MVB12B: variants seen among roughly 807,000 people sequenced by gnomAD.
MVB12B encodes ESCRT-I complex subunit MVB12B.
MVB12B carries 16 observed loss-of-function variants against 41.6 expected under a neutral mutation model. That is an observed-to-expected ratio of 0.38 (90% CI 0.26 to 0.58). MVB12B has a LOEUF of 0.58. Among genes scored for constraint, MVB12B ranks in the 20% least tolerant of loss-of-function variants. The pLI is 0.62. For missense variants in MVB12B, 274 were observed against 380.2 expected (o/e 0.72, Z 2.32); for synonymous variants, 133 against 139.7 (o/e 0.95, Z 0.34).
intron 7 of MVB12B, among the ~76,000 whole-genome samples, chr9:126,441,590 T>C (rs1832641817): frequency 6.6e-6 from 1 of 152,230 alleles, no homozygotes; most frequent in Admixed American, 6.5e-5. Context: ...AGCCACTCCT[T>C]TATCAATAAA....
At position 126,503,436 on chromosome 9, in the gene MVB12B, C is replaced by G. The variant is rs4837094; in HGVS notation, c.*173C>G. 0.99 allele frequency: 603,458 copies of G among 607,670 alleles called. 299,753 individuals carry two copies. Among genetic ancestry groups the G allele is most frequent in the East Asian group, 1 (36,245 of 36,246 alleles). The allele number at this position is 607,670 out of a possible 1,614,324, so 37.6% of individuals were successfully genotyped here. ...GGCGCATCCTGTCTTCAGCTGGCCT[C>G]ACTGACACCCCGGCCTCCCTGGGGA... On this transcript the variant is annotated 3_prime_UTR_variant, in exon 10 of 10. Transcript: ENST00000361171.
intron 2 of MVB12B, among the ~76,000 whole-genome samples, chr9:126,347,140 T>C (rs1829614256): frequency 6.6e-6 from 1 of 152,166 alleles, no homozygotes; most frequent in Non-Finnish European, 1.5e-5. Flanking sequence ...GGGGTGTAGA[T>C]ACAGGAGAGA....
chr9:126,481,264 T>A, intron 7 of MVB12B, 105 bp from the exon 8 acceptor site: 1 of 968,084 alleles, frequency 1.0e-6, no homozygotes, highest in Non-Finnish European at 1.6e-6. Flanking sequence ...CCTGGCTCCA[T>A]CCAGTGACGG....
At chr9:126,491,921 A>G (rs1031301969) in intron 9 of MVB12B, among the ~76,000 whole-genome samples, 3 of 152,154 alleles carry the variant, frequency 2.0e-5, no homozygotes, top group Non-Finnish European at 2.9e-5. Flanking sequence ...CACAGACAAG[A>G]TTAATTATCT....
At chr9:126,430,734 T>C (rs1400296823) in intron 7 of MVB12B, among the ~76,000 whole-genome samples, 1 of 151,592 alleles carries the variant, frequency 6.6e-6, no homozygotes, top group Non-Finnish European at 1.5e-5. Context: ...GTTGGAAGCA[T>C]AGGGTCAGAA....
chr9:126,440,691 AT>A lies in MVB12B; in HGVS notation c.757+18753del, dbSNP rs914057982. On this transcript the variant is annotated intron_variant, in intron 7 of 9. Transcript: ENST00000361171. ...CTTTCAGAGAAATATTGAAAAGTAC[AT>A]TTTTTTTTTGTTTCAATTATTTTAA... 1.7e-3 allele frequency among the ~76,000 whole-genome samples: 252 copies of A among 149,886 alleles called. 1 individual carries two copies. The highest frequency in any genetic ancestry group is 0.01 in the South Asian group (48 of 4,718).
chr9:126,438,227 A>G (rs922565239), intron 7 of MVB12B, among the ~76,000 whole-genome samples: 2 of 152,242 alleles, frequency 1.3e-5, no homozygotes, highest in East Asian at 3.8e-4. Context: ...CCTTCTTTTA[A>G]TGACCAGCGT....
At chr9:126,470,670 GTGTGTGTA>G (rs1314040096) in intron 7 of MVB12B, among the ~76,000 whole-genome samples, 3 of 144,492 alleles carry the variant, frequency 2.1e-5, no homozygotes, top group Non-Finnish European at 4.7e-5. Flanking sequence ...GTGTGTGTGT[GTGTGTGTA>G]ATCCAGATTG....
At chr9:126,427,168 A>G (rs527494991) in intron 7 of MVB12B, among the ~76,000 whole-genome samples, 1 of 152,370 alleles carries the variant, frequency 6.6e-6, no homozygotes, top group South Asian at 2.1e-4. Flanking sequence ...ATTGCTTTTC[A>G]ATGATTATAA....
intron 6 of MVB12B, among the ~76,000 whole-genome samples, chr9:126,415,932 G>A (rs1831807081): frequency 6.6e-6 from 1 of 152,176 alleles, no homozygotes; most frequent in Non-Finnish European, 1.5e-5. Context: ...GCTGAGATCT[G>A]GGGACAGTGG....
At position 126,479,127 on chromosome 9, in the gene MVB12B, T is replaced by C. The variant is rs1054513255; in HGVS notation, c.758-2242T>C. Among the ~76,000 whole-genome samples the C allele has an allele frequency of 6.0e-4, 80 of 133,446 alleles. No individual in the cohort carries two copies. In the East Asian group the frequency reaches 0.015, roughly 25 times the overall value. 87.5% of individuals were successfully genotyped at this position (133,446 alleles called of 152,430 possible). A position where few individuals can be genotyped will look rare whatever the true frequency, so the allele number is the denominator to read the frequency against. ...AGTGAGGACCATGACAGGTGAAGAGTGGGCTTCGGGACTTTACTGGGGAGG... is the reference window on the plus strand; with the variant it reads ...AGTGAGGACCATGACAGGTGAAGAGCGGGCTTCGGGACTTTACTGGGGAGG... On this transcript the variant is annotated intron_variant, in intron 7 of 9. Transcript: ENST00000361171.
At position 126,473,635 on chromosome 9, in the gene MVB12B, G is replaced by A. The variant is rs778457830; in HGVS notation, c.758-7734G>A. 1.7e-3 allele frequency among the ~76,000 whole-genome samples: 262 copies of A among 152,250 alleles called. 1 individual carries two copies. The highest frequency in any genetic ancestry group is 3.5e-4 in the Non-Finnish European group (24 of 68,026). ...AGCCAAAGAGCGGAAGGTGCCACACGCCTTTAAACAACCAGATCTCGCGAG... is the reference window on the plus strand; with the variant it reads ...AGCCAAAGAGCGGAAGGTGCCACACACCTTTAAACAACCAGATCTCGCGAG... On this transcript the variant is annotated intron_variant, in intron 7 of 9. Transcript: ENST00000361171. The surrounding 1 kb of genome is among the most constrained non-coding windows in gnomAD (Gnocchi z 4.0).
chr9:126,466,400 T>C (rs929496096), intron 7 of MVB12B, among the ~76,000 whole-genome samples: 1 of 152,186 alleles, frequency 6.6e-6, no homozygotes, highest in Non-Finnish European at 1.5e-5. Flanking sequence ...ACTGCTAATG[T>C]CCCATTCACC....
In MVB12B at chr9:126,472,789, A is replaced by G. The variant is rs3739568; in HGVS notation, c.758-8580A>G. ...CATGCCATTTTTAAGCATGATCGTT[A>G]TGATAAAGGGCATATACTTAATTAC... On this transcript the variant is annotated intron_variant, in intron 7 of 9. Transcript: ENST00000361171. 3.8e-3 allele frequency among the ~76,000 whole-genome samples: 572 copies of G among 152,246 alleles called. 8 individuals are homozygous for G. In the East Asian group the frequency reaches 0.045, roughly 12 times the overall value.
rs117871165 is a variant in MVB12B at position 126,425,679 on chromosome 9, T to C, written c.757+3731T>C. ...CATTCGAGTTCCTCAGAGATCACTG[T>C]CTGTAATTCCAGCACCATCCTTTAT... On this transcript the variant is annotated intron_variant, in intron 7 of 9. Coordinates refer to ENST00000361171, the MANE Select transcript of MVB12B (RefSeq NM_033446.3). Among the ~76,000 whole-genome samples the C allele has an allele frequency of 6.6e-3, 1,003 of 152,336 alleles. 7 individuals are homozygous for C. The highest frequency in any genetic ancestry group is 0.027 in the Middle Eastern group (8 of 294).
chr9:126,470,168 C>T (rs192327176), intron 7 of MVB12B, among the ~76,000 whole-genome samples: 46 of 152,304 alleles, frequency 3.0e-4, no homozygotes, highest in Non-Finnish European at 2.9e-4. Flanking sequence ...AACAGGAGTG[C>T]AGCCATATTA....
At position 126,413,270 on chromosome 9, in the gene MVB12B, C is replaced by G. The variant is rs373935073; in HGVS notation, c.663-8584C>G. ...CCCATCAGCATTCAAATCCAAGCTT[C>G]TGCATACTCTGTGTTCAAGTCCAAG... On this transcript the variant is annotated intron_variant, in intron 6 of 9. Coordinates refer to ENST00000361171, the MANE Select transcript of MVB12B (RefSeq NM_033446.3). Among the ~76,000 whole-genome samples the G allele has an allele frequency of 5.3e-5, 8 of 152,270 alleles. No homozygotes were observed. The East Asian group carries it at 1.4e-3, about 26-fold the overall frequency.
intron 1 of MVB12B, among the ~76,000 whole-genome samples, chr9:126,331,055 G>A (rs1292066162): frequency 3.3e-5 from 5 of 152,162 alleles, no homozygotes; most frequent in African/African-American, 1.2e-4. Context: ...TGTGAATAAT[G>A]TTGCTCTGAA....
chr9:126,492,093 C>G (rs1044217693), intron 9 of MVB12B, among the ~76,000 whole-genome samples: 27 of 146,258 alleles, frequency 1.8e-4, no homozygotes, highest in African/African-American at 6.5e-4. Context: ...GTGAACCTCC[C>G]CCTCCGTCCA....
Sources: gnomAD v4.1 joint callset for allele counts (sites outside exome capture counted in the v4.1 genomes callset) on GRCh38, gnomAD v4.1.1 for gene constraint, Gnocchi (gnomAD v3.1) non-coding constraint, MANE v1.5 for transcripts, NCBI Gene and HGNC (gene_info 2026-07-23, HGNC 2026-07-21) for gene names.